Variants in GLP2R observed in about 807,000 individuals in gnomAD.
The protein encoded by GLP2R is glucagon like peptide 2 receptor.
GLP2R carries 59 observed loss-of-function variants against 68.2 expected under a neutral mutation model. The ratio of observed to expected loss-of-function variants is 0.87; its 90% CI spans 0.70 to 1.07. The LOEUF (loss-of-function observed/expected upper bound fraction) is 1.07. Among genes scored for constraint, GLP2R ranks in the 50% least tolerant of loss-of-function variants. The probability of loss-of-function intolerance (pLI) is 0.00; values close to 1 mark genes in which losing one functional copy is unlikely to be tolerated. For synonymous variants in GLP2R, 270 were observed against 265.4 expected (o/e 1.02, Z -0.17); for missense variants, 548 against 677.4 (o/e 0.81, Z 2.12).
intron 3 of GLP2R, among the ~76,000 whole-genome samples, chr17:9,840,244 G>A (rs144687990): frequency 0.03 from 4,535 of 152,248 alleles, 89 homozygotes; most frequent in East Asian, 0.076. Context: ...CAAAATGCTG[G>A]GATTACAGGC....
intron 12 of GLP2R, 77 bp downstream of exon 12, chr17:9,888,050 G>A (rs1480501450): frequency 1.0e-6 from 1 of 992,914 alleles, no homozygotes; most frequent in Non-Finnish European, 1.6e-6. Context: ...AGGTTTCTGT[G>A]GATGGGATGA....
In GLP2R at chr17:9,874,842, T is replaced by C. The variant is rs115019803; in HGVS notation, c.1145+4007T>C. Among the ~76,000 whole-genome samples, 421 of 152,320 alleles carry C rather than the reference T, an allele frequency of 2.8e-3. 2 individuals are homozygous for C. The highest frequency in any genetic ancestry group is 9.5e-3 in the African/African-American group (395 of 41,576). On this transcript the variant is annotated intron_variant, in intron 10 of 12. Coordinates refer to ENST00000262441, the MANE Select transcript of GLP2R (RefSeq NM_004246.3). ...ATCACATCACAAAGCAGAGTCTTGC[T>C]GTTGAAGGATGCTGAGGTTAGCCTG...
At position 9,890,069 on chromosome 17, in the gene GLP2R, T is replaced by G; in HGVS notation, c.*364T>G. On this transcript the variant is annotated 3_prime_UTR_variant, in exon 13 of 13. Coordinates refer to ENST00000262441, the MANE Select transcript of GLP2R (RefSeq NM_004246.3). ...TCCTTTATCCCTTGGGGTGCATGCT[T>G]TCCATCTGAGGTTGGGTTTAGGGTG... 2.2e-6 allele frequency: 1 copy of G among 462,488 alleles called. No individual in the cohort carries two copies. Among genetic ancestry groups the G allele is most frequent in the Non-Finnish European group, 4.3e-6 (1 of 231,108 alleles). The allele number at this position is 462,488 out of a possible 1,614,324, so 28.6% of individuals were successfully genotyped here.
chr17:9,860,097 T>C lies in GLP2R; in HGVS notation c.921T>C (p.Gly307=). The change falls in exon 7 of 13, where the codon GGT becomes GGC. Residue 307 remains glycine (G), a synonymous_variant. Coordinates refer to ENST00000262441, the MANE Select transcript of GLP2R (RefSeq NM_004246.3). ...TGTGGCCCAGATACCTGCTGTTGGG[T>C]TGGGGTGAGTGACCTGACCTTCAGC... ...RRLWPRYLLL[G]WAFPVLFVVP... 1 of 1,599,402 alleles carries C rather than the reference T, an allele frequency of 6.3e-7. No homozygotes were observed. Among genetic ancestry groups the C allele is most frequent in the Non-Finnish European group, 8.5e-7 (1 of 1,172,150 alleles).
chr17:9,835,481 T>A (rs775943120), intron 2 of GLP2R, among the ~76,000 whole-genome samples: 49 of 152,178 alleles, frequency 3.2e-4, no homozygotes, highest in Non-Finnish European at 6.0e-4. Flanking sequence ...TCCAAGTATC[T>A]AATAATGATC....
chr17:9,852,964 G>T (rs532782786), intron 4 of GLP2R: 1 of 481,470 alleles, frequency 2.1e-6, no homozygotes, highest in Non-Finnish European at 3.9e-6. Flanking sequence ...ATCTTCCTAA[G>T]TGCTGTCCAC....
In GLP2R at chr17:9,889,952, A is replaced by T. The variant is rs571775942; in HGVS notation, c.*247A>T. ...CACCAGTGTGTTTTCCACAATGCCCACCAGACCCTAGGGCCTGGCTCTAAA... is the reference window on the plus strand; with the variant it reads ...CACCAGTGTGTTTTCCACAATGCCCTCCAGACCCTAGGGCCTGGCTCTAAA... On this transcript the variant is annotated 3_prime_UTR_variant, in exon 13 of 13. Transcript: ENST00000262441. 6 of 576,706 alleles carry T rather than the reference A, an allele frequency of 1.0e-5. No individual in the cohort carries two copies. Among genetic ancestry groups the T allele is most frequent in the Non-Finnish European group, 1.6e-5 (5 of 305,228 alleles). The allele number at this position is 576,706 out of a possible 1,614,324, so 35.7% of individuals were successfully genotyped here. A position where few individuals can be genotyped will look rare whatever the true frequency, so the allele number is the denominator to read the frequency against.
chr17:9,868,110 A>G (rs1372552600), intron 9 of GLP2R, among the ~76,000 whole-genome samples: 2 of 152,216 alleles, frequency 1.3e-5, no homozygotes, highest in Non-Finnish European at 2.9e-5. Context: ...TGAAGTCTTC[A>G]TTGTTGCAAA....
intron 1 of GLP2R, among the ~76,000 whole-genome samples, chr17:9,829,282 T>C (rs1223008189): frequency 1.3e-5 from 2 of 152,094 alleles, no homozygotes; most frequent in African/African-American, 4.8e-5. Context: ...CTTTTATACA[T>C]GGATGGCAGG....
At chr17:9,835,756 G>A (rs559882081) in intron 2 of GLP2R, among the ~76,000 whole-genome samples, 45 of 152,078 alleles carry the variant, frequency 3.0e-4, no homozygotes, top group African/African-American at 9.2e-4. Context: ...AGTTCATGTC[G>A]GTGGCTGGGC....
chr17:9,839,509 A>G (rs200924442), intron 3 of GLP2R, among the ~76,000 whole-genome samples: 46 of 150,982 alleles, frequency 3.0e-4, no homozygotes, highest in African/African-American at 1.1e-3. Flanking sequence ...CAGGTCTTCC[A>G]TCTCCTCCTC....
rs1405813561 is a variant in GLP2R at position 9,865,947 on chromosome 17, C to A, written c.1056+3857C>A. ...CACTGACATATACCCCAGAGAAAGG[C>A]ATTAGATCTTCATGTCTATCAGTTT... On this transcript the variant is annotated intron_variant, in intron 9 of 12. Coordinates refer to ENST00000262441, the MANE Select transcript of GLP2R (RefSeq NM_004246.3). 3 of 470,634 alleles carry A rather than the reference C, an allele frequency of 6.4e-6. No homozygotes were observed. The Admixed American group carries it at 7.1e-5, about 11-fold the overall frequency. 29.2% of individuals were successfully genotyped at this position (470,634 alleles called of 1,614,324 possible).
At chr17:9,851,165 CAAAT>C (rs921127836) in intron 4 of GLP2R, among the ~76,000 whole-genome samples, 12 of 152,116 alleles carry the variant, frequency 7.9e-5, no homozygotes, top group Admixed American at 3.9e-4. Flanking sequence ...AATTTAGAAA[CAAAT>C]AGTTAGGTTA....
chr17:9,884,933 C>T (rs186224715), intron 11 of GLP2R, among the ~76,000 whole-genome samples: 25 of 151,974 alleles, frequency 1.6e-4, no homozygotes, highest in Non-Finnish European at 2.2e-4. Context: ...CTTTTTTCTC[C>T]GGAAGGCATG....
chr17:9,827,431 C>T (rs1265876078), intron 1 of GLP2R, among the ~76,000 whole-genome samples: 2 of 152,094 alleles, frequency 1.3e-5, no homozygotes, highest in African/African-American at 4.8e-5. Context: ...GAGCAACATT[C>T]GTCCATGTTA....
chr17:9,859,303 T>C (rs1291240629), intron 6 of GLP2R, among the ~76,000 whole-genome samples: 5 of 152,194 alleles, frequency 3.3e-5, no homozygotes, highest in African/African-American at 1.2e-4. Context: ...GAACTGAGGT[T>C]AGAGTACTCT....
intron 11 of GLP2R, among the ~76,000 whole-genome samples, chr17:9,886,305 T>A (rs1356667476): frequency 6.6e-6 from 1 of 152,120 alleles, no homozygotes; most frequent in East Asian, 1.9e-4. Context: ...ACATATGAAG[T>A]AAGAGCCATG....
intron 5 of GLP2R, 104 bp from the exon 6 acceptor site, chr17:9,857,319 G>C (rs977866057): frequency 1.1e-5 from 11 of 975,824 alleles, no homozygotes; most frequent in East Asian, 2.5e-5. Context: ...CCTATACTAT[G>C]ACCCTCTGTC....
chr17:9,885,146 A>ATTT (rs901724399), intron 11 of GLP2R, among the ~76,000 whole-genome samples: 8 of 113,568 alleles, frequency 7.0e-5, no homozygotes, highest in South Asian at 3.5e-4. Flanking sequence ...AATAGTAACC[A>ATTT]TTTTATTATT....
Sources: allele counts gnomAD v4.1 joint callset (sites outside exome capture counted in the v4.1 genomes callset), GRCh38; gene constraint gnomAD v4.1.1; transcripts MANE v1.5; gene names NCBI Gene and HGNC (gene_info 2026-07-23, HGNC 2026-07-21).